Variants in HOXA9 observed in about 807,000 individuals in gnomAD.
HOXA9 encodes homeobox protein Hox-A9.
In HOXA9, 18 loss-of-function variants were observed where a neutral mutation model predicts 19.0. The observed-to-expected ratio is 0.95, with a 90% CI of 0.65 to 1.40. HOXA9 has a LOEUF of 1.40. Among genes scored for constraint, HOXA9 ranks in the 40% most tolerant of loss-of-function variants. The pLI, the probability that HOXA9 is intolerant of heterozygous loss-of-function variation, is 0.00. For missense variants in HOXA9, 443 were observed against 372.2 expected (o/e 1.19, Z -1.57); for synonymous variants, 198 against 161.1 (o/e 1.23, Z -1.73).
At position 27,165,275 on chromosome 7, in the gene HOXA9, C is replaced by T. The variant is rs761013640; in HGVS notation, c.183G>A (p.Thr61=). ...CTGGGTTCCACGAGGCGCCAAACACCGTCGCCTTGGACTGGAAGCTGCACG... is the reference window on the plus strand; with the variant it reads ...CTGGGTTCCACGAGGCGCCAAACACTGTCGCCTTGGACTGGAAGCTGCACG... ...FSPCSFQSKA[T]VFGASWNPVH... The change falls in exon 1 of 2, where the codon ACG becomes ACA. Residue 61 remains threonine (T), a synonymous_variant. Coordinates refer to ENST00000343483, the MANE Select transcript of HOXA9 (RefSeq NM_152739.4). 6.4e-7 allele frequency: 1 copy of T among 1,561,842 alleles called. No individual in the cohort carries two copies. The highest frequency in any genetic ancestry group is 1.7e-4 in the Middle Eastern group (1 of 5,910).
Position 27,162,857 on chromosome 7 carries a change from T to C in HOXA9, c.*746A>G, listed in dbSNP as rs1783228863. On this transcript the variant is annotated 3_prime_UTR_variant, in exon 2 of 2. Coordinates refer to ENST00000343483, the MANE Select transcript of HOXA9 (RefSeq NM_152739.4). ...TATATAGATAATGGACAGACTTAAA[T>C]GCCCGCATTTTTAAGGTGGAGAAAA... The C allele has an allele frequency of 5.0e-6, 1 of 199,170 alleles. No homozygotes were observed. The highest frequency in any genetic ancestry group is 2.3e-5 in the African/African-American group (1 of 43,432). The allele number at this position is 199,170 out of a possible 1,614,324, so 12.3% of individuals were successfully genotyped here. A position where few individuals can be genotyped will look rare whatever the true frequency, so the allele number is the denominator to read the frequency against.
chr7:27,164,117 A>C (rs899215432), intron 1 of HOXA9, among the ~76,000 whole-genome samples: 6 of 151,914 alleles, frequency 3.9e-5, no homozygotes, highest in African/African-American at 1.5e-4. Context: ...TCCCACTCTC[A>C]AAACGCTGTA....
At position 27,162,989 on chromosome 7, in the gene HOXA9, G is replaced by T; in HGVS notation, c.*614C>A. 5.0e-6 allele frequency: 1 copy of T among 201,306 alleles called. No homozygotes were observed. The highest frequency in any genetic ancestry group is 1.0e-5 in the Non-Finnish European group (1 of 97,910). 12.5% of individuals were successfully genotyped at this position (201,306 alleles called of 1,614,324 possible). ...AGGTTAACAGCCTAGTTATACAGAAGACATATTCCACTACAGAGCTATACT... is the reference window on the plus strand; with the variant it reads ...AGGTTAACAGCCTAGTTATACAGAATACATATTCCACTACAGAGCTATACT... On this transcript the variant is annotated 3_prime_UTR_variant, in exon 2 of 2. Coordinates refer to ENST00000343483, the MANE Select transcript of HOXA9 (RefSeq NM_152739.4).
chr7:27,163,067 T>C lies in HOXA9; in HGVS notation c.*536A>G, dbSNP rs1219714563. ...AACAACCTGAGTTCAAATTGAATTCTATCTTCCACAATCACAATGGGTGCA... is the reference window on the plus strand; with the variant it reads ...AACAACCTGAGTTCAAATTGAATTCCATCTTCCACAATCACAATGGGTGCA... On this transcript the variant is annotated 3_prime_UTR_variant, in exon 2 of 2. Transcript: ENST00000343483. 1 of 211,872 alleles carries C rather than the reference T, an allele frequency of 4.7e-6. No homozygotes were observed. 13.1% of individuals were successfully genotyped at this position (211,872 alleles called of 1,614,324 possible). A position where few individuals can be genotyped will look rare whatever the true frequency, so the allele number is the denominator to read the frequency against.
rs200486389 is a variant in HOXA9, at chr7:27,165,130, A to G, written c.328T>C (p.Ser110Pro). The G allele has an allele frequency of 2.6e-5, 42 of 1,607,654 alleles. No individual in the cohort carries two copies. In the African/African-American group the frequency reaches 4.4e-4, roughly 17 times the overall value. The change falls in exon 1 of 2, where the codon TCC (serine) becomes CCC (proline). Residue 110 changes from serine to proline, a missense_variant. Ser to Pro is a moderately conservative substitution (Grantham distance 74, BLOSUM62 -1). Coordinates refer to ENST00000343483, the MANE Select transcript of HOXA9 (RefSeq NM_152739.4). ...AAAPDGRYMRSWLEPTPGALS... is the reference protein window; with the variant it reads ...AAAPDGRYMRPWLEPTPGALS... ...GCACCGGGCGTGGGCTCCAGCCAGG[A>G]GCGCATGTACCTGCCGTCCGGCGCC...
Position 27,165,439 on chromosome 7 carries a change from G to T in HOXA9, c.19C>A (p.Leu7Met). The T allele has an allele frequency of 6.2e-7, 1 of 1,605,794 alleles. No individual in the cohort carries two copies. MATTGA[L>M]GNYYVDSFLL... ...AACGAGTCCACGTAGTAGTTGCCCAGGGCCCCAGTGGTGGCCATCACCGTG... is the reference window on the plus strand; with the variant it reads ...AACGAGTCCACGTAGTAGTTGCCCATGGCCCCAGTGGTGGCCATCACCGTG... Residue 7 changes from leucine to methionine, a missense_variant, in exon 1 of 2, where the codon CTG becomes ATG. Leu to Met is a conservative substitution (Grantham distance 15). Transcript: ENST00000343483.
intron 1 of HOXA9, 42 bp from the exon 2 acceptor site, chr7:27,163,883 AC>A: frequency 6.5e-7 from 1 of 1,537,876 alleles, no homozygotes. Flanking sequence ...CAGAAGACGC[AC>A]ATCCCGCTGG....
intron 1 of HOXA9, among the ~76,000 whole-genome samples, chr7:27,164,620 C>T (rs17472147): frequency 0.073 from 11,125 of 152,326 alleles, 828 homozygotes; most frequent in African/African-American, 0.19. Flanking sequence ...CCAGTCTTGG[C>T]TCGTCCCGAA....
In HOXA9 at chr7:27,162,651, A is replaced by G. The variant is rs1268928240; in HGVS notation, c.*952T>C. 4.8e-6 allele frequency: 1 copy of G among 210,136 alleles called. No homozygotes were observed. Among genetic ancestry groups the G allele is most frequent in the Non-Finnish European group, 9.7e-6 (1 of 103,272 alleles). The allele number at this position is 210,136 out of a possible 1,614,324, so 13.0% of individuals were successfully genotyped here. The stretch of plus-strand genomic sequence containing the variant: ...TATCAATAAAATTAACTCCGTTACA[A>G]TCAGCATTCATTTCCTCCAATTAAA... On this transcript the variant is annotated 3_prime_UTR_variant, in exon 2 of 2. Coordinates refer to ENST00000343483, the MANE Select transcript of HOXA9 (RefSeq NM_152739.4).
At position 27,165,328 on chromosome 7, in the gene HOXA9, T is replaced by C; in HGVS notation, c.130A>G (p.Thr44Ala). The change falls in exon 1 of 2, where the codon ACG becomes GCG. Residue 44 changes from threonine (T) to alanine (A), a missense_variant. Coordinates refer to ENST00000343483, the MANE Select transcript of HOXA9 (RefSeq NM_152739.4). ...CTGAAGTCGGGGTGCTCGGCCAGCG[T>C]CGCCGCCTGCCGGGGAGGCTGGCCC... ...TLGQPPRQAA[T>A]LAEHPDFSPC... 1 of 1,578,850 alleles carries C rather than the reference T, an allele frequency of 6.3e-7. No individual in the cohort carries two copies. The highest frequency in any genetic ancestry group is 8.6e-7 in the Non-Finnish European group (1 of 1,164,276).
At position 27,163,372 on chromosome 7, in the gene HOXA9, T is replaced by C. The variant is rs537259388; in HGVS notation, c.*231A>G. 3.7e-5 allele frequency: 19 copies of C among 511,686 alleles called. No homozygotes were observed. The East Asian group carries it at 5.9e-4, about 16-fold the overall frequency. 31.7% of individuals were successfully genotyped at this position (511,686 alleles called of 1,614,324 possible). A position where few individuals can be genotyped will look rare whatever the true frequency, so the allele number is the denominator to read the frequency against. On this transcript the variant is annotated 3_prime_UTR_variant, in exon 2 of 2. Transcript: ENST00000343483. ...CCCCCCCCTCAACTTTTCCTTTTTC[T>C]TATAGAAAATGGAAAGCTTACAATA...
rs1382568994 is a variant in HOXA9 at position 27,163,527 on chromosome 7, G to A, written c.*76C>T. ...GCTAGGGTGGGGGTGAGAGAAGGGA[G>A]AAGGCGGAAGGGGGACGGACAGTTC... On this transcript the variant is annotated 3_prime_UTR_variant, in exon 2 of 2. Transcript: ENST00000343483. 2.5e-6 allele frequency: 3 copies of A among 1,186,150 alleles called. No individual in the cohort carries two copies. The highest frequency in any genetic ancestry group is 3.9e-5 in the Admixed American group (2 of 50,926). The allele number at this position is 1,186,150 out of a possible 1,614,324, so 73.5% of individuals were successfully genotyped here. A position where few individuals can be genotyped will look rare whatever the true frequency, so the allele number is the denominator to read the frequency against.
At chr7:27,164,805 A>G in intron 1 of HOXA9, 73 bp downstream of exon 1, 2 of 1,561,096 alleles carry the variant, frequency 1.3e-6, no homozygotes, top group East Asian at 2.2e-5. Flanking sequence ...GGCTCGAGAG[A>G]AACCTGGCGG....
Position 27,165,069 on chromosome 7 carries a change from T to G in HOXA9, c.389A>C (p.Tyr130Ser). 1.2e-6 allele frequency: 2 copies of G among 1,613,942 alleles called. No individual in the cohort carries two copies. The highest frequency in any genetic ancestry group is 1.7e-6 in the Non-Finnish European group (2 of 1,179,998). Reference protein sequence around the residue: ...SFAGLPSSRPYGIKPEPLSAR... With the variant: ...SFAGLPSSRPSGIKPEPLSAR... ...CGACAGCGGTTCAGGTTTAATGCCA[T>G]AAGGCCGGCTGGAGGGCAAGCCCGC... The change falls in exon 1 of 2, where the codon TAT becomes TCT. Residue 130 changes from tyrosine (Y) to serine (S), a missense_variant. Coordinates refer to ENST00000343483, the MANE Select transcript of HOXA9 (RefSeq NM_152739.4).
rs368735379 is a variant in HOXA9, at chr7:27,165,299, C to A, written c.159G>T (p.Pro53=). The A allele has an allele frequency of 4.3e-5, 67 of 1,570,394 alleles. No individual in the cohort carries two copies. The African/African-American group carries it at 7.3e-4, about 17-fold the overall frequency. ...ATLAEHPDFS[P]CSFQSKATVF... is the part of the protein sequence containing the mutation. ...CCGTCGCCTTGGACTGGAAGCTGCA[C>A]GGGCTGAAGTCGGGGTGCTCGGCCA... The change falls in exon 1 of 2, where the codon CCG becomes CCT. Residue 53 remains proline (P), a synonymous_variant. Transcript: ENST00000343483.
Position 27,163,630 on chromosome 7 carries a change from G to T in HOXA9, c.792C>A (p.Ile264=), listed in dbSNP as rs377402962. ...FQNRRMKMKK[I]NKDRAKDE is the part of the protein sequence containing the mutation. The stretch of plus-strand genomic sequence containing the variant: ...ACTCGTCTTTTGCTCGGTCTTTGTT[G>T]ATTTTCTTCATTTTCATCCTGCGGT... The change falls in exon 2 of 2, where the codon ATC becomes ATA. Residue 264 remains isoleucine, a synonymous_variant. Transcript: ENST00000343483. The T allele has an allele frequency of 3.7e-6, 6 of 1,613,010 alleles. No individual in the cohort carries two copies. The highest frequency in any genetic ancestry group is 5.1e-6 in the Non-Finnish European group (6 of 1,179,668).
Position 27,163,353 on chromosome 7 carries a change from C to G in HOXA9, c.*250G>C, listed in dbSNP as rs535353485. The G allele has an allele frequency of 1.5e-4, 71 of 488,640 alleles. No homozygotes were observed. Among genetic ancestry groups the G allele is most frequent in the Non-Finnish European group, 8.4e-5 (23 of 275,414 alleles). The allele number at this position is 488,640 out of a possible 1,614,324, so 30.3% of individuals were successfully genotyped here. Reference sequence around the variant, plus strand: ...ACAGCTATCAGCACTAATGCCCCCCCCTCAACTTTTCCTTTTTCTTATAGA... The same window carrying G: ...ACAGCTATCAGCACTAATGCCCCCCGCTCAACTTTTCCTTTTTCTTATAGA... On this transcript the variant is annotated 3_prime_UTR_variant, in exon 2 of 2. Transcript: ENST00000343483.
Position 27,163,417 on chromosome 7 carries a change from A to T in HOXA9, c.*186T>A. ...ACAATACCTCCTCCATCAAAGCGGC[A>T]GGCCTACGAGCCAGCCTGAACAGGG... On this transcript the variant is annotated 3_prime_UTR_variant, in exon 2 of 2. Transcript: ENST00000343483. 1.6e-6 allele frequency: 1 copy of T among 620,008 alleles called. No individual in the cohort carries two copies. The highest frequency in any genetic ancestry group is 2.9e-6 in the Non-Finnish European group (1 of 348,026). 38.4% of individuals were successfully genotyped at this position (620,008 alleles called of 1,614,324 possible). A position where few individuals can be genotyped will look rare whatever the true frequency, so the allele number is the denominator to read the frequency against.
Position 27,163,310 on chromosome 7 carries a change from A to G in HOXA9, c.*293T>C, listed in dbSNP as rs1349531147. On this transcript the variant is annotated 3_prime_UTR_variant, in exon 2 of 2. Coordinates refer to ENST00000343483, the MANE Select transcript of HOXA9 (RefSeq NM_152739.4). ...GGAACAGGTAGATTTTTAAAAATAT[A>G]TATACAAGCTAACACACACAGCTAT... 23 of 325,918 alleles carry G rather than the reference A, an allele frequency of 7.1e-5. No individual in the cohort carries two copies. Among genetic ancestry groups the G allele is most frequent in the Non-Finnish European group, 1.1e-4 (20 of 178,484 alleles). 20.2% of individuals were successfully genotyped at this position (325,918 alleles called of 1,614,324 possible).
Sources: gnomAD v4.1 joint callset for allele counts (sites outside exome capture counted in the v4.1 genomes callset) on GRCh38, gnomAD v4.1.1 for gene constraint, MANE v1.5 for transcripts, NCBI Gene and HGNC (gene_info 2026-07-23, HGNC 2026-07-21) for gene names.